The following CNTNAP2 variants were observed in gnomAD, a reference collection of about 807,000 sequenced individuals.
CNTNAP2 encodes the protein contactin associated protein 2, also known as contactin-associated protein-like 2.
Under a neutral mutation model 155.2 loss-of-function variants are expected in CNTNAP2, and 98 were observed. That is an observed-to-expected ratio of 0.63 (90% CI 0.54 to 0.75). The LOEUF is 0.75. Ranked by LOEUF, CNTNAP2 falls within the 30% of genes least tolerant of loss-of-function variation. The pLI is 0.00. For missense variants in CNTNAP2, 1,727 were observed against 1,688.1 expected, an observed-to-expected ratio of 1.02 and a Z score of -0.40; for synonymous variants, 651 against 631.2, an observed-to-expected ratio of 1.03 and a Z score of -0.47.
At chr7:147,967,604 T>C (rs1801242781) in intron 14 of CNTNAP2, among the ~76,000 whole-genome samples, 1 of 152,206 alleles carries the variant, frequency 6.6e-6, no homozygotes, top group African/African-American at 2.4e-5. Flanking sequence ...TCCTAGTCTA[T>C]TACCTCTGAA....
At chr7:146,451,172 C>G (rs1014615675) in intron 1 of CNTNAP2, among the ~76,000 whole-genome samples, 1 of 152,032 alleles carries the variant, frequency 6.6e-6, no homozygotes, top group East Asian at 1.9e-4. Context: ...GGTCTGGATC[C>G]CCTGACCTCG....
intron 15 of CNTNAP2, among the ~76,000 whole-genome samples, chr7:148,099,868 G>GTTTTTTTTTTTT (rs751537152): frequency 1.7e-4 from 15 of 88,808 alleles, no homozygotes; most frequent in Middle Eastern, 7.9e-3. Flanking sequence ...TTTTTTTTTG[G>GTTTTTTTTTTTT]TTTTTTTTTT....
intron 20 of CNTNAP2, among the ~76,000 whole-genome samples, chr7:148,261,030 C>A (rs1796550028): frequency 1.3e-5 from 2 of 152,214 alleles, no homozygotes; most frequent in African/African-American, 4.8e-5. Context: ...TTTCCCTCGG[C>A]CTCAACTCCC....
intron 3 of CNTNAP2, among the ~76,000 whole-genome samples, chr7:146,905,214 G>T (rs1446300791): frequency 6.6e-6 from 1 of 151,944 alleles, no homozygotes; most frequent in African/African-American, 2.4e-5. Context: ...GGGGGAAATT[G>T]CCTCTGGCCT....
intron 1 of CNTNAP2, among the ~76,000 whole-genome samples, chr7:146,368,946 A>C (rs1795192907): frequency 6.7e-6 from 1 of 149,528 alleles, no homozygotes; most frequent in South Asian, 2.1e-4. Flanking sequence ...CCAGCCAGTC[A>C]AAAGCTTGAA....
intron 1 of CNTNAP2, among the ~76,000 whole-genome samples, chr7:146,728,882 G>T (rs184968886): frequency 2.0e-5 from 3 of 152,262 alleles, no homozygotes; most frequent in African/African-American, 7.2e-5. Context: ...CTTAGTGCCA[G>T]GTCGTCGTTC....
At chr7:147,832,844 T>TA (rs1554440004) in intron 13 of CNTNAP2, among the ~76,000 whole-genome samples, 1 of 146,828 alleles carries the variant, frequency 6.8e-6, no homozygotes, top group Admixed American at 6.9e-5. Context: ...ATAATATAGA[T>TA]CATTATATTT....
chr7:148,036,507 C>G (rs1802576359), intron 15 of CNTNAP2, among the ~76,000 whole-genome samples: 1 of 151,998 alleles, frequency 6.6e-6, no homozygotes, highest in Non-Finnish European at 1.5e-5. Context: ...GTGATGCTTT[C>G]CATGTGATGC....
chr7:147,676,996 A>G (rs1157372470), intron 13 of CNTNAP2, among the ~76,000 whole-genome samples: 2 of 151,930 alleles, frequency 1.3e-5, no homozygotes, highest in Non-Finnish European at 2.9e-5. Context: ...TCTCTTTGAC[A>G]TACAGATTTC....
intron 3 of CNTNAP2, among the ~76,000 whole-genome samples, chr7:146,874,848 A>T (rs959790686): frequency 1.2e-4 from 18 of 152,174 alleles, no homozygotes; most frequent in Admixed American, 6.6e-5. Flanking sequence ...TCAGAGTCTT[A>T]TCAGTTTCCC....
intron 15 of CNTNAP2, among the ~76,000 whole-genome samples, chr7:148,089,632 G>T (rs1157007042): frequency 2.6e-5 from 4 of 151,724 alleles, no homozygotes; most frequent in Admixed American, 6.6e-5. Context: ...ATTGAGGAAA[G>T]AAATTGAAGA....
chr7:146,386,667 T>G (rs1795466248), intron 1 of CNTNAP2, among the ~76,000 whole-genome samples: 1 of 152,244 alleles, frequency 6.6e-6, no homozygotes. Flanking sequence ...ATTACAGGCG[T>G]GAGCCACCGT....
chr7:148,230,019 CT>C (rs1339841401), intron 20 of CNTNAP2, among the ~76,000 whole-genome samples: 1 of 152,152 alleles, frequency 6.6e-6, no homozygotes, highest in Non-Finnish European at 1.5e-5. Context: ...TCCGTATAGT[CT>C]TTCTGGTTTT....
chr7:147,317,450 G>T (rs1480618824), intron 9 of CNTNAP2, among the ~76,000 whole-genome samples: 2 of 152,160 alleles, frequency 1.3e-5, no homozygotes, highest in Non-Finnish European at 2.9e-5. Flanking sequence ...CCAGCCTTCT[G>T]CTTCTGTGCA....
At chr7:148,006,374 C>CGGT (rs1563164824) in intron 15 of CNTNAP2, among the ~76,000 whole-genome samples, 2 of 137,474 alleles carry the variant, frequency 1.5e-5, no homozygotes, top group African/African-American at 5.5e-5. Context: ...GGATGGAGTA[C>CGGT]AGTGGTACAA....
intron 3 of CNTNAP2, among the ~76,000 whole-genome samples, chr7:146,865,952 G>A (rs7789646): frequency 5.3e-5 from 8 of 151,988 alleles, no homozygotes; most frequent in Non-Finnish European, 8.8e-5. Flanking sequence ...TTGTCTTTGC[G>A]TCTGCTTCTC....
intron 13 of CNTNAP2, among the ~76,000 whole-genome samples, chr7:147,643,865 T>C (rs1269118403): frequency 1.3e-5 from 2 of 152,330 alleles, no homozygotes; most frequent in East Asian, 3.9e-4. Context: ...TATTCTTTTA[T>C]ACCATACCAT....
rs1800985252 is a variant in CNTNAP2 at position 146,320,699 on chromosome 7, A to G, written c.97+203726A>G. Among the ~76,000 whole-genome samples the G allele has an allele frequency of 3.9e-5, 6 of 152,318 alleles. No individual in the cohort carries two copies. In the South Asian group the frequency reaches 1.2e-3, roughly 32 times the overall value. On this transcript the variant is annotated intron_variant, in intron 1 of 23. Transcript: ENST00000361727. ...CAGGGAGTAGTCATCTGATTATACA[A>G]GTATAAAATAATACAGAAAGGGATT...
chr7:147,397,719 T>C (rs1331633209), intron 10 of CNTNAP2, among the ~76,000 whole-genome samples: 1 of 151,262 alleles, frequency 6.6e-6, no homozygotes, highest in Non-Finnish European at 1.5e-5. Flanking sequence ...AGGGAAGGTA[T>C]AGAAAAGAAA....
Sources: gnomAD v4.1 joint callset for allele counts (sites outside exome capture counted in the v4.1 genomes callset) on GRCh38, gnomAD v4.1.1 for gene constraint, MANE v1.5 for transcripts, NCBI Gene and HGNC (gene_info 2026-07-23, HGNC 2026-07-21) for gene names.